Variants in TTI2 observed in about 807,000 individuals in gnomAD.
TTI2 encodes the protein TELO2-interacting protein 2.
A neutral mutation model predicts 44.9 loss-of-function variants in TTI2; 26 were observed. That is an observed-to-expected ratio of 0.58 (90% CI 0.42 to 0.80). TTI2 has a LOEUF of 0.80. Among genes scored for constraint, TTI2 ranks in the 30% least tolerant of loss-of-function variants. TTI2 has a pLI of 0.00. For missense variants in TTI2, 582 were observed against 611.6 expected (o/e 0.95, Z 0.51); for synonymous variants, 254 against 250.9 (o/e 1.01, Z -0.12).
intron 1 of TTI2, 97 bp from the exon 2 acceptor site, chr8:33,512,809 A>T: frequency 1.1e-5 from 5 of 462,646 alleles, no homozygotes; most frequent in Non-Finnish European, 1.5e-5. Context: ...CGGGAGGCGG[A>T]GTTTGCAGTG....
In TTI2 at chr8:33,500,410, G is replaced by C; in HGVS notation, c.1340C>G (p.Pro447Arg). ...TAGCAGGGCGCTCTTAACAGACTCA[G>C]GTGTAAGGTTTGGATCCCTTGCTAC... ...CDVARDPNLT[P>R]ESVKSALLQE... The change falls in exon 7 of 8, where the codon CCT becomes CGT. Residue 447 changes from proline to arginine, a missense_variant. Coordinates refer to ENST00000431156, the MANE Select transcript of TTI2 (RefSeq NM_001102401.4). The C allele has an allele frequency of 6.2e-7, 1 of 1,614,140 alleles. No individual in the cohort carries two copies. The highest frequency in any genetic ancestry group is 1.7e-5 in the Admixed American group (1 of 60,010).
intron 3 of TTI2, among the ~76,000 whole-genome samples, chr8:33,508,087 TAAAAAAAAAAAAAAAAAAA>T (rs58891946): frequency 1.0e-4 from 2 of 19,494 alleles, no homozygotes; most frequent in Non-Finnish European, 1.8e-4. Flanking sequence ...CTAGCGGTAG[TAAAAAAAAAAAAAAAAAAA>T]AAAAAAAAAA....
At chr8:33,509,452 T>A (rs1585332009) in intron 3 of TTI2, among the ~76,000 whole-genome samples, 3 of 80,042 alleles carry the variant, frequency 3.7e-5, no homozygotes, top group Admixed American at 3.3e-4. Flanking sequence ...TGAGACTCCC[T>A]CTCAAAAAAA....
In TTI2 at chr8:33,511,891, AAAAT is replaced by A. The variant is rs1218058115; in HGVS notation, c.647+72_647+75del. On this transcript the variant is annotated intron_variant, in intron 2 of 7. Coordinates refer to ENST00000431156, the MANE Select transcript of TTI2 (RefSeq NM_001102401.4). Reference sequence around the variant, plus strand: ...GCAACAAGAGTGAAACTCTGTCTCGAAAATAAATAAATAATAAAAAATAAAAATA... The same window carrying A: ...GCAACAAGAGTGAAACTCTGTCTCGAAAATAAATAATAAAAAATAAAAATA... 4.7e-6 allele frequency: 7 copies of A among 1,499,068 alleles called. No individual in the cohort carries two copies. In the Admixed American group the frequency reaches 7.1e-5, roughly 15 times the overall value. The allele number at this position is 1,499,068 out of a possible 1,614,324, so 92.9% of individuals were successfully genotyped here.
rs753815477 is a variant in TTI2, at chr8:33,511,970, T to C, written c.644A>G (p.Tyr215Cys). The C allele has an allele frequency of 9.9e-6, 16 of 1,614,118 alleles. No individual in the cohort carries two copies. The highest frequency in any genetic ancestry group is 3.3e-5 in the Admixed American group (2 of 60,008). The change falls in exon 2 of 8, where the codon TAT becomes TGT. Residue 215 changes from tyrosine (Y) to cysteine (C), a missense_variant. By Grantham distance (194) the Tyr-to-Cys change is radical. Coordinates refer to ENST00000431156, the MANE Select transcript of TTI2 (RefSeq NM_001102401.4). ...GGCAAAGGGCAGGAGTACTCACTTATACAAGTCGGGTTTGAGAAGCCCTAG... is the reference window on the plus strand; with the variant it reads ...GGCAAAGGGCAGGAGTACTCACTTACACAAGTCGGGTTTGAGAAGCCCTAG... ...VILGLLKPDL[Y>C]KESWKNNPAI... is the part of the protein sequence containing the mutation.
intron 2 of TTI2, 135 bp from the exon 3 acceptor site, chr8:33,510,067 C>G (rs1809471669): frequency 1.4e-6 from 1 of 716,742 alleles, no homozygotes; most frequent in Non-Finnish European, 2.3e-6. Flanking sequence ...TAAGATAACT[C>G]TTGATTCTAT....
chr8:33,501,922 T>G (rs1388178824), intron 6 of TTI2, among the ~76,000 whole-genome samples: 1 of 152,074 alleles, frequency 6.6e-6, no homozygotes, highest in African/African-American at 2.4e-5. Flanking sequence ...CCTACATTAG[T>G]ATGCTTTTTT....
At position 33,501,543 on chromosome 8, in the gene TTI2, T is replaced by C. The variant is rs185641795; in HGVS notation, c.1260-1053A>G. Among the ~76,000 whole-genome samples the C allele has an allele frequency of 5.9e-5, 9 of 152,362 alleles. No individual in the cohort carries two copies. In the East Asian group the frequency reaches 1.7e-3, roughly 29 times the overall value. ...CATTCTCTTCCAGTCCATTCATTCT[T>C]TGAATATTTGTATACCTAATACTAG... is the stretch of plus-strand genomic sequence containing the variant. On this transcript the variant is annotated intron_variant, in intron 6 of 7. Coordinates refer to ENST00000431156, the MANE Select transcript of TTI2 (RefSeq NM_001102401.4).
At position 33,512,125 on chromosome 8, in the gene TTI2, C is replaced by T. The variant is rs531743985; in HGVS notation, c.489G>A (p.Trp163Ter). Residue 163 changes from tryptophan (W) to a stop codon, truncating the protein, a stop_gained, in exon 2 of 8, where the codon TGG becomes TGA. Coordinates refer to ENST00000431156, the MANE Select transcript of TTI2 (RefSeq NM_001102401.4). LOFTEE classifies it high-confidence loss of function. ...FAITHSLEQP[W>*]TTPRSREVAR... ...CAACTTCCCGAGATCTCGGAGTGGT[C>T]CATGGTTGCTCCAAGCTGTGTGTGA... The T allele has an allele frequency of 6.2e-7, 1 of 1,614,092 alleles. No homozygotes were observed. The highest frequency in any genetic ancestry group is 8.5e-7 in the Non-Finnish European group (1 of 1,179,952).
At chr8:33,511,406 C>T (rs1470469748) in intron 2 of TTI2, among the ~76,000 whole-genome samples, 1 of 152,112 alleles carries the variant, frequency 6.6e-6, no homozygotes, top group African/African-American at 2.4e-5. Flanking sequence ...AGGCAGTCGT[C>T]CTAAGGGCTG....
chr8:33,510,697 A>G (rs986530315), intron 2 of TTI2, among the ~76,000 whole-genome samples: 1 of 152,158 alleles, frequency 6.6e-6, no homozygotes, highest in African/African-American at 2.4e-5. Context: ...TCTTTATATT[A>G]GAAACAAACA....
In TTI2 at chr8:33,500,360, G is replaced by A. The variant is rs778344343; in HGVS notation, c.1390C>T (p.Leu464Phe). ...CGTCCTTGAGAACAGCGGTCCAGGA[G>A]AATCAGGCAGTCTGTGGCCTCCTGT... ...LLQEATDCLI[L>F]LDRCSQGRVK... Residue 464 changes from leucine to phenylalanine, a missense_variant, in exon 7 of 8, where the codon CTC becomes TTC. Leu to Phe is a conservative substitution (Grantham distance 22). Transcript: ENST00000431156. The A allele has an allele frequency of 6.2e-7, 1 of 1,614,162 alleles. No individual in the cohort carries two copies. The highest frequency in any genetic ancestry group is 8.5e-7 in the Non-Finnish European group (1 of 1,180,022).
intron 7 of TTI2, chr8:33,499,804 A>G (rs1808998496): frequency 6.2e-6 from 1 of 160,874 alleles, no homozygotes; most frequent in Non-Finnish European, 1.4e-5. Flanking sequence ...ATAGAAGTAC[A>G]CAGCTATTAT....
chr8:33,500,397 C>T lies in TTI2; in HGVS notation c.1353G>A (p.Lys451=). The change falls in exon 7 of 8, where the codon AAG becomes AAA. Residue 451 remains lysine, a synonymous_variant. Transcript: ENST00000431156. ...RDPNLTPESV[K]SALLQEATDC... is the part of the protein sequence containing the mutation. ...CTGTGGCCTCCTGTAGCAGGGCGCTCTTAACAGACTCAGGTGTAAGGTTTG... is the reference window on the plus strand; with the variant it reads ...CTGTGGCCTCCTGTAGCAGGGCGCTTTTAACAGACTCAGGTGTAAGGTTTG... 1.2e-6 allele frequency: 2 copies of T among 1,614,142 alleles called. No individual in the cohort carries two copies. Among genetic ancestry groups the T allele is most frequent in the African/African-American group, 2.7e-5 (2 of 75,024 alleles).
chr8:33,512,644 T>G lies in TTI2; in HGVS notation c.-31A>C. On this transcript the variant is annotated 5_prime_UTR_variant, in exon 2 of 8. Transcript: ENST00000431156. ...ACTGCAGCACCAGAAGGCTGGTCTC[T>G]CCCACAGAACGAGGATGGAGGCGGG... 2.5e-6 allele frequency: 4 copies of G among 1,608,854 alleles called. No homozygotes were observed. Among genetic ancestry groups the G allele is most frequent in the Non-Finnish European group, 3.4e-6 (4 of 1,179,744 alleles).
intron 3 of TTI2, among the ~76,000 whole-genome samples, chr8:33,508,689 C>T (rs1809396882): frequency 6.7e-6 from 1 of 148,732 alleles, no homozygotes; most frequent in East Asian, 2.0e-4. Flanking sequence ...CCTACAGGTA[C>T]ATGGAGATTA....
chr8:33,504,289 ATTTTTTTTTTTT>A lies in TTI2; in HGVS notation c.928-366_928-355del, dbSNP rs1169577360. Among the ~76,000 whole-genome samples, 7 of 72,994 alleles carry A rather than the reference ATTTTTTTTTTTT, an allele frequency of 9.6e-5. No individual in the cohort carries two copies. In the South Asian group the frequency reaches 3.3e-3, roughly 35 times the overall value. 47.9% of individuals were successfully genotyped at this position (72,994 alleles called of 152,430 possible). A position where few individuals can be genotyped will look rare whatever the true frequency, so the allele number is the denominator to read the frequency against. Reference sequence around the variant, plus strand: ...ACTTAGTGATACATGATATTTACACATTTTTTTTTTTTTTTTTTTTTTTTTGTGAGACAGAGT... The same window carrying A: ...ACTTAGTGATACATGATATTTACACATTTTTTTTTTTTTGTGAGACAGAGT... On this transcript the variant is annotated intron_variant, in intron 4 of 7. Transcript: ENST00000431156.
intron 4 of TTI2, among the ~76,000 whole-genome samples, chr8:33,506,690 CT>C (rs778836986): frequency 0.028 from 3,143 of 114,170 alleles, 31 homozygotes; most frequent in African/African-American, 0.043. Context: ...CAGTGCCAGG[CT>C]TTTTTTTTTT....
intron 4 of TTI2, among the ~76,000 whole-genome samples, chr8:33,506,943 C>A (rs1336833079): frequency 6.6e-6 from 1 of 152,062 alleles, no homozygotes; most frequent in East Asian, 1.9e-4. Flanking sequence ...GATCTGCCTC[C>A]CTCAGCCTCC....
Sources: gnomAD v4.1 joint callset for allele counts (sites outside exome capture counted in the v4.1 genomes callset) on GRCh38, gnomAD v4.1.1 for gene constraint, MANE v1.5 for transcripts, NCBI Gene and HGNC (gene_info 2026-07-23, HGNC 2026-07-21) for gene names.